Variants in ST6GALNAC3 observed in about 807,000 individuals in gnomAD.
ST6GALNAC3 encodes alpha-N-acetylgalactosaminide alpha-2,6-sialyltransferase 3.
ST6GALNAC3 carries 25 observed loss-of-function variants against 32.7 expected under a neutral mutation model. The ratio of observed to expected loss-of-function variants is 0.76; its 90% confidence interval spans 0.56 to 1.07. The LOEUF is 1.07. ST6GALNAC3 is among the 50% of genes least tolerant of loss of function. The probability of loss-of-function intolerance (pLI) is 0.00; values close to 1 mark genes in which losing one functional copy is unlikely to be tolerated. For synonymous variants in ST6GALNAC3, 129 were observed against 133.1 expected (o/e 0.97, Z 0.21); for missense variants, 355 against 382.4 (o/e 0.93, Z 0.60).
intron 3 of ST6GALNAC3, among the ~76,000 whole-genome samples, chr1:76,433,597 T>C (rs1053582390): frequency 6.6e-6 from 1 of 152,280 alleles, no homozygotes; most frequent in East Asian, 1.9e-4. Context: ...CCATGAAACC[T>C]TTTTCTTATC....
intron 1 of ST6GALNAC3, among the ~76,000 whole-genome samples, chr1:76,109,474 T>C (rs1647772139): frequency 6.6e-6 from 1 of 152,248 alleles, no homozygotes; most frequent in African/African-American, 2.4e-5. Context: ...TGTAAGTTAT[T>C]CTGCAATATT....
chr1:76,320,649 T>C (rs1326754081), intron 2 of ST6GALNAC3, among the ~76,000 whole-genome samples: 8 of 152,026 alleles, frequency 5.3e-5, no homozygotes, highest in Non-Finnish European at 8.8e-5. Flanking sequence ...TAGAAGAAGA[T>C]AGAAAATGCA....
intron 3 of ST6GALNAC3, among the ~76,000 whole-genome samples, chr1:76,428,250 A>G (rs1260728909): frequency 6.6e-6 from 1 of 152,018 alleles, no homozygotes; most frequent in Non-Finnish European, 1.5e-5. Context: ...ATTTCCCAGA[A>G]ATGACTTTGT....
chr1:76,500,803 T>C (rs1360633426), intron 3 of ST6GALNAC3, among the ~76,000 whole-genome samples: 1 of 152,214 alleles, frequency 6.6e-6, no homozygotes, highest in Non-Finnish European at 1.5e-5. Context: ...AGTAACCTCA[T>C]CATTTACTCA....
chr1:76,339,010 G>C (rs1647736688), intron 2 of ST6GALNAC3, among the ~76,000 whole-genome samples: 1 of 152,156 alleles, frequency 6.6e-6, no homozygotes, highest in South Asian at 2.1e-4. Context: ...CCATCCTATT[G>C]TGAAGATCAT....
chr1:76,082,069 G>A (rs1646903609), intron 1 of ST6GALNAC3, among the ~76,000 whole-genome samples: 1 of 152,212 alleles, frequency 6.6e-6, no homozygotes, highest in Non-Finnish European at 1.5e-5. Flanking sequence ...GGAAAACAGG[G>A]AAGCCTATTA....
At chr1:76,504,374 T>C (rs1423400466) in intron 3 of ST6GALNAC3, among the ~76,000 whole-genome samples, 1 of 152,182 alleles carries the variant, frequency 6.6e-6, no homozygotes, top group African/African-American at 2.4e-5. Context: ...TAATGATCCT[T>C]ACCTTAATTA....
At chr1:76,358,306 C>T (rs1649654947) in intron 2 of ST6GALNAC3, among the ~76,000 whole-genome samples, 1 of 152,182 alleles carries the variant, frequency 6.6e-6, no homozygotes, top group Non-Finnish European at 1.5e-5. Context: ...ACCAACTCAA[C>T]ATCTCTCTGA....
intron 2 of ST6GALNAC3, among the ~76,000 whole-genome samples, chr1:76,387,508 G>C (rs1050573696): frequency 1.3e-5 from 2 of 152,092 alleles, no homozygotes; most frequent in African/African-American, 4.8e-5. Context: ...AGCTTGAGAA[G>C]GCTGTAGAAT....
chr1:76,336,575 AACCTCATTATATAGGTGAGGAAAC>A (rs1194014627), intron 2 of ST6GALNAC3, among the ~76,000 whole-genome samples: 2 of 152,224 alleles, frequency 1.3e-5, no homozygotes, highest in Non-Finnish European at 2.9e-5. Context: ...TTGTGCTATT[AACCTCATTATATAGGTGAGGAAAC>A]TAAGTCACTA....
intron 3 of ST6GALNAC3, among the ~76,000 whole-genome samples, chr1:76,424,415 G>A (rs1655235868): frequency 6.6e-6 from 1 of 151,798 alleles, no homozygotes; most frequent in East Asian, 1.9e-4. Context: ...TTCTTGGTGG[G>A]CAAAGATCAT....
In ST6GALNAC3 at chr1:76,237,542, T is replaced by C. The variant is rs544212029; in HGVS notation, c.19-76263T>C. ...ATACTTCCCTATATCAAGCCATGCC[T>C]GATTTTTCAGAAATAAGGTAGAAGT... is the stretch of plus-strand genomic sequence containing the variant. On this transcript the variant is annotated intron_variant, in intron 1 of 4. Transcript: ENST00000328299. Among the ~76,000 whole-genome samples, 154 of 152,306 alleles carry C rather than the reference T, an allele frequency of 1.0e-3. 1 individual carries two copies. Among genetic ancestry groups the C allele is most frequent in the African/African-American group, 3.7e-3 (152 of 41,558 alleles).
At position 76,390,247 on chromosome 1, in the gene ST6GALNAC3, A is replaced by C. The variant is rs193291140; in HGVS notation, c.214-21761A>C. 2.0e-3 allele frequency among the ~76,000 whole-genome samples: 312 copies of C among 152,298 alleles called. 1 individual carries two copies. The highest frequency in any genetic ancestry group is 7.3e-3 in the African/African-American group (304 of 41,564). On this transcript the variant is annotated intron_variant, in intron 2 of 4. Coordinates refer to ENST00000328299, the MANE Select transcript of ST6GALNAC3 (RefSeq NM_152996.4). Reference sequence around the variant, plus strand: ...GAATTTTGGCTAAGTTGCTCCATATAAATAAATGTTTTGATTACTTCTACC... The same window carrying C: ...GAATTTTGGCTAAGTTGCTCCATATCAATAAATGTTTTGATTACTTCTACC...
downstream of ST6GALNAC3, among the ~76,000 whole-genome samples, chr1:76,635,853 A>G (rs893189330): frequency 1.3e-5 from 2 of 152,146 alleles, no homozygotes; most frequent in African/African-American, 4.8e-5. Context: ...GAAGTGATGT[A>G]TATCACTCCA....
chr1:76,466,703 T>C (rs1460771961), intron 3 of ST6GALNAC3, among the ~76,000 whole-genome samples: 1 of 152,090 alleles, frequency 6.6e-6, no homozygotes, highest in African/African-American at 2.4e-5. Context: ...AGTGAACAGT[T>C]AGAAACAACT....
intron 3 of ST6GALNAC3, among the ~76,000 whole-genome samples, chr1:76,525,573 G>A (rs981200471): frequency 2.0e-5 from 3 of 151,570 alleles, no homozygotes; most frequent in African/African-American, 4.8e-5. Context: ...ACCCTCGGGA[G>A]AGAATCTTAA....
At chr1:76,178,427 A>G (rs1427576543) in intron 1 of ST6GALNAC3, among the ~76,000 whole-genome samples, 1 of 152,192 alleles carries the variant, frequency 6.6e-6, no homozygotes, top group Non-Finnish European at 1.5e-5. Flanking sequence ...GAGAGAAAGG[A>G]AACATGACCA....
intron 3 of ST6GALNAC3, among the ~76,000 whole-genome samples, chr1:76,606,537 G>T (rs866673043): frequency 6.6e-6 from 1 of 152,050 alleles, no homozygotes; most frequent in Non-Finnish European, 1.5e-5. Context: ...CACAGGGAGG[G>T]AAACAACCCA....
intron 1 of ST6GALNAC3, among the ~76,000 whole-genome samples, chr1:76,215,931 T>G (rs1655433684): frequency 6.6e-6 from 1 of 152,148 alleles, no homozygotes; most frequent in Non-Finnish European, 1.5e-5. Context: ...CGCTGGAGAT[T>G]TACAAAGACC....
Sources: allele counts gnomAD v4.1 joint callset (sites outside exome capture counted in the v4.1 genomes callset), GRCh38; gene constraint gnomAD v4.1.1; transcripts MANE v1.5; gene names NCBI Gene and HGNC (gene_info 2026-07-23, HGNC 2026-07-21).